The following EYS variants were observed in gnomAD, a reference collection of about 807,000 sequenced individuals.
The protein encoded by EYS is protein eyes shut homolog.
Under a neutral mutation model 282.1 loss-of-function variants are expected in EYS, and 250 were observed. The ratio of observed to expected loss-of-function variants is 0.89; its 90% CI spans 0.80 to 0.98. EYS has a LOEUF of 0.98. EYS is among the 50% of genes least tolerant of loss of function. The pLI is 0.00. For synonymous variants in EYS, 1,355 were observed against 1,282.9 expected (o/e 1.06, Z -1.20); for missense variants, 4,016 against 3,709.0 (o/e 1.08, Z -2.15).
intron 12 of EYS, among the ~76,000 whole-genome samples, chr6:65,260,687 T>C (rs1168437436): frequency 2.0e-5 from 3 of 152,090 alleles, no homozygotes; most frequent in Admixed American, 2.0e-4. Context: ...AAATACACAT[T>C]TAAGATTACT....
intron 40 of EYS, 144 bp from the exon 41 acceptor site, chr6:63,762,777 A>G: frequency 1.3e-6 from 1 of 769,900 alleles, no homozygotes; most frequent in Non-Finnish European, 2.0e-6. Flanking sequence ...TAAATTGTCA[A>G]AGGAAAGAGT....
chr6:64,714,549 G>T (rs1349702128), intron 22 of EYS, among the ~76,000 whole-genome samples: 1 of 140,500 alleles, frequency 7.1e-6, no homozygotes, highest in Non-Finnish European at 1.5e-5. Flanking sequence ...TTTTTGAGAC[G>T]GAGTCTGGCT....
In EYS at chr6:64,591,119, T is replaced by A; in HGVS notation, c.4748A>T (p.Tyr1583Phe). ...CGCTGAGTTCATCCAGAATGTCTCA[T>A]AAAAGTGGGACTGTTTGCTATGCAA... Reference protein sequence around the residue: ...QVLHSKQSHFYETFWMNSAIL... With the variant: ...QVLHSKQSHFFETFWMNSAIL... The change falls in exon 26 of 43, where the codon TAT (tyrosine) becomes TTT (phenylalanine). Residue 1583 changes from tyrosine to phenylalanine, a missense_variant. Physicochemically the swap from Tyr to Phe is conservative, Grantham distance 22. Transcript: ENST00000503581. 6.4e-7 allele frequency: 1 copy of A among 1,551,306 alleles called. No homozygotes were observed. Among genetic ancestry groups the A allele is most frequent in the Non-Finnish European group, 8.7e-7 (1 of 1,146,788 alleles).
At chr6:65,477,737 A>G (rs1027565534) in intron 5 of EYS, among the ~76,000 whole-genome samples, 1 of 152,174 alleles carries the variant, frequency 6.6e-6, no homozygotes, top group African/African-American at 2.4e-5. Context: ...AGCAGGTATC[A>G]TATTTTCCAT....
intron 12 of EYS, among the ~76,000 whole-genome samples, chr6:65,087,546 C>T (rs1294661735): frequency 2.0e-5 from 3 of 152,036 alleles, no homozygotes; most frequent in Non-Finnish European, 4.4e-5. Flanking sequence ...TTTCACCCAC[C>T]TCATATTAAT....
chr6:64,690,187 C>G (rs182138546), intron 22 of EYS, among the ~76,000 whole-genome samples: 5 of 151,940 alleles, frequency 3.3e-5, no homozygotes, highest in African/African-American at 9.7e-5. Flanking sequence ...AGACACTTCT[C>G]GAAAGAAGAC....
intron 8 of EYS, among the ~76,000 whole-genome samples, chr6:65,362,929 G>C (rs556878443): frequency 6.6e-6 from 1 of 152,132 alleles, no homozygotes; most frequent in African/African-American, 2.4e-5. Context: ...GAAATCTTTA[G>C]AGAATGAAAT....
intron 28 of EYS, among the ~76,000 whole-genome samples, chr6:64,390,787 G>A (rs1225953285): frequency 8.1e-5 from 12 of 148,816 alleles, no homozygotes; most frequent in East Asian, 3.9e-4. Flanking sequence ...TGACTTTGAC[G>A]AGCTGAGAGA....
intron 29 of EYS, among the ~76,000 whole-genome samples, chr6:64,336,782 G>A (rs1293985082): frequency 6.6e-6 from 1 of 152,040 alleles, no homozygotes; most frequent in Non-Finnish European, 1.5e-5. Context: ...CACTCTCTCA[G>A]ATCACAGTGG....
At chr6:64,836,234 G>A (rs950551214) in intron 19 of EYS, among the ~76,000 whole-genome samples, 5 of 149,840 alleles carry the variant, frequency 3.3e-5, no homozygotes, top group Admixed American at 6.7e-5. Context: ...TCATTTTAAT[G>A]ATTGCAAAAT....
At chr6:65,045,576 G>T (rs1773077144) in intron 13 of EYS, among the ~76,000 whole-genome samples, 1 of 151,852 alleles carries the variant, frequency 6.6e-6, no homozygotes, top group Non-Finnish European at 1.5e-5. Context: ...CATCCCTTCT[G>T]CCATGTCAGG....
intron 8 of EYS, among the ~76,000 whole-genome samples, chr6:65,371,377 G>A (rs1289814106): frequency 1.3e-5 from 2 of 151,484 alleles, no homozygotes; most frequent in Non-Finnish European, 2.9e-5. Flanking sequence ...AACACTCCAC[G>A]GATACCTAGG....
intron 12 of EYS, among the ~76,000 whole-genome samples, chr6:65,233,182 C>A (rs1766834811): frequency 6.6e-6 from 1 of 152,064 alleles, no homozygotes; most frequent in South Asian, 2.1e-4. Context: ...CCATCAAAGA[C>A]AGTTTTTCTT....
At chr6:65,322,265 G>A (rs1048073291) in intron 11 of EYS, among the ~76,000 whole-genome samples, 4 of 152,174 alleles carry the variant, frequency 2.6e-5, no homozygotes. Context: ...TCACCTTCAA[G>A]AGAAAGAAGT....
chr6:64,426,597 A>G (rs114656024), intron 28 of EYS, among the ~76,000 whole-genome samples: 2,265 of 152,240 alleles, frequency 0.015, 15 homozygotes, highest in East Asian at 0.032. Flanking sequence ...GGATAATACA[A>G]GAAAATAAAG....
intron 12 of EYS, among the ~76,000 whole-genome samples, chr6:65,141,068 G>A (rs1422632996): frequency 1.9e-4 from 28 of 150,658 alleles, no homozygotes; most frequent in East Asian, 3.9e-4. Flanking sequence ...CACTATTCAC[G>A]ATAGCAAAGA....
chr6:65,248,960 G>T (rs561810467), intron 12 of EYS, among the ~76,000 whole-genome samples: 139 of 151,888 alleles, frequency 9.2e-4, no homozygotes, highest in South Asian at 1.9e-3. Flanking sequence ...CCTTTGTGGA[G>T]CTCAGACTGT....
At position 64,945,983 on chromosome 6, in the gene EYS, T is replaced by C. The variant is rs531618675; in HGVS notation, c.2260-69A>G. 4.1e-6 allele frequency: 5 copies of C among 1,204,940 alleles called. No homozygotes were observed. The Admixed American group carries it at 1.6e-4, about 38-fold the overall frequency. The allele number at this position is 1,204,940 out of a possible 1,614,324, so 74.6% of individuals were successfully genotyped here. ...ATTAAGCCTATAATACAGATATTAC[T>C]CCTGGCCATTTTGATATCTCTGTCA... On this transcript the variant is annotated intron_variant, in intron 14 of 42. Coordinates refer to ENST00000503581, the MANE Select transcript of EYS (RefSeq NM_001142800.2).
At position 64,590,586 on chromosome 6, in the gene EYS, A is replaced by G. The variant is rs1183825364; in HGVS notation, c.5281T>C (p.Tyr1761His). The change falls in exon 26 of 43, where the codon TAT becomes CAT. Residue 1761 changes from tyrosine (Y) to histidine (H), a missense_variant. Coordinates refer to ENST00000503581, the MANE Select transcript of EYS (RefSeq NM_001142800.2). ...TCATTTGCATGTGTAATTTCTGAAT[A>G]TGTCTTTAAAGTAACATCCGGATAA... ...QIYPDVTLKT[Y>H]SEITHANDFK... 2 of 1,551,332 alleles carry G rather than the reference A, an allele frequency of 1.3e-6. No individual in the cohort carries two copies.
Sources: gnomAD v4.1 joint callset for allele counts (sites outside exome capture counted in the v4.1 genomes callset) on GRCh38, gnomAD v4.1.1 for gene constraint, MANE v1.5 for transcripts, NCBI Gene and HGNC (gene_info 2026-07-23, HGNC 2026-07-21) for gene names.